The following PACRG variants were observed in gnomAD, a reference collection of about 807,000 sequenced individuals.
The protein encoded by PACRG is parkin coregulated.
Under a neutral mutation model 29.7 loss-of-function variants are expected in PACRG, and 29 were observed. The ratio of observed to expected loss-of-function variants is 0.98; its 90% confidence interval spans 0.73 to 1.33. The LOEUF (loss-of-function observed/expected upper bound fraction) is 1.33, where lower values mean the gene tolerates loss of function less well. PACRG is among the 40% of genes most tolerant of loss of function. The pLI, the probability that PACRG is intolerant of heterozygous loss-of-function variation, is 0.00. For missense variants in PACRG, 279 were observed against 316.2 expected, an observed-to-expected ratio of 0.88 and a Z score of 0.89; for synonymous variants, 116 against 118.7, an observed-to-expected ratio of 0.98 and a Z score of 0.15.
intron 2 of PACRG, among the ~76,000 whole-genome samples, chr6:162,965,703 G>C (rs775818396): frequency 6.6e-6 from 1 of 152,172 alleles, no homozygotes; most frequent in Non-Finnish European, 1.5e-5. Context: ...AGAAGAGTAA[G>C]GAATGGATTA....
chr6:163,194,671 G>A (rs1348727133), intron 4 of PACRG, among the ~76,000 whole-genome samples: 2 of 152,156 alleles, frequency 1.3e-5, no homozygotes, highest in Non-Finnish European at 2.9e-5. Flanking sequence ...TTTTGTAAGC[G>A]GTGGTTGCTT....
chr6:162,727,725 C>T, upstream of PACRG: 6 of 1,535,534 alleles, frequency 3.9e-6, no homozygotes, highest in Non-Finnish European at 5.3e-6. Flanking sequence ...CGCAGCGGCG[C>T]CAGCCGCGCC....
intron 2 of PACRG, among the ~76,000 whole-genome samples, chr6:163,000,889 C>T (rs1562819562): frequency 6.6e-6 from 1 of 152,180 alleles, no homozygotes; most frequent in Non-Finnish European, 1.5e-5. Flanking sequence ...TGAGCCAAGG[C>T]AGGCCTGAAT....
chr6:162,977,024 A>G (rs1201526919), intron 2 of PACRG, among the ~76,000 whole-genome samples: 1 of 152,076 alleles, frequency 6.6e-6, no homozygotes, highest in East Asian at 1.9e-4. Flanking sequence ...ATAGCGAGAA[A>G]CTTGCAGGAC....
chr6:163,200,858 C>G (rs1356543917), intron 4 of PACRG, among the ~76,000 whole-genome samples: 1 of 152,224 alleles, frequency 6.6e-6, no homozygotes, highest in African/African-American at 2.4e-5. Context: ...CACCCTACTT[C>G]TGCACGTCAG....
intron 4 of PACRG, among the ~76,000 whole-genome samples, chr6:163,303,850 G>GA (rs1297663667): frequency 2.0e-5 from 3 of 150,516 alleles, no homozygotes; most frequent in East Asian, 2.0e-4. Flanking sequence ...CTCTATTAAA[G>GA]AAAAAAAATA....
intron 1 of PACRG, among the ~76,000 whole-genome samples, chr6:162,757,033 T>C (rs1020764815): frequency 2.6e-5 from 4 of 152,150 alleles, no homozygotes; most frequent in Non-Finnish European, 4.4e-5. Context: ...TCTGCAACAA[T>C]ACTATTTTGC....
At chr6:163,085,679 A>G (rs990420256) in intron 3 of PACRG, among the ~76,000 whole-genome samples, 2 of 152,004 alleles carry the variant, frequency 1.3e-5, no homozygotes, top group Non-Finnish European at 2.9e-5. Context: ...TCTCCTGGAA[A>G]CTCTTCATGT....
chr6:163,218,331 A>G (rs1781444809), intron 4 of PACRG, among the ~76,000 whole-genome samples: 2 of 152,182 alleles, frequency 1.3e-5, no homozygotes, highest in South Asian at 4.1e-4. Flanking sequence ...TATCTACCCA[A>G]GAAGTTAATT....
At chr6:162,825,838 C>T (rs1001787154) in intron 2 of PACRG, among the ~76,000 whole-genome samples, 5 of 152,198 alleles carry the variant, frequency 3.3e-5, no homozygotes, top group African/African-American at 9.7e-5. Flanking sequence ...CGTTTCCTCA[C>T]TGGGCTCCTG....
chr6:162,836,076 AT>A (rs1338954665), intron 2 of PACRG, among the ~76,000 whole-genome samples: 1 of 151,902 alleles, frequency 6.6e-6, no homozygotes, highest in Non-Finnish European at 1.5e-5. Flanking sequence ...ATATTTTTGC[AT>A]GGCTTTAAGG....
intron 2 of PACRG, among the ~76,000 whole-genome samples, chr6:162,908,618 A>G (rs1322538892): frequency 6.6e-6 from 1 of 152,156 alleles, no homozygotes; most frequent in East Asian, 1.9e-4. Context: ...CAGGTTCTGT[A>G]ACCACAGTAG....
intron 1 of PACRG, among the ~76,000 whole-genome samples, chr6:162,811,435 A>C (rs1445967510): frequency 1.3e-5 from 2 of 152,164 alleles, no homozygotes; most frequent in Non-Finnish European, 1.5e-5. Context: ...CAAGTCATCC[A>C]ATAGGAAGCA....
In PACRG at chr6:163,262,875, C is replaced by G. The variant is rs937042109; in HGVS notation, c.614-51952C>G. 5.8e-3 allele frequency among the ~76,000 whole-genome samples: 872 copies of G among 149,090 alleles called. 10 individuals are homozygous for G. Among genetic ancestry groups the G allele is most frequent in the African/African-American group, 0.019 (775 of 40,434 alleles). On this transcript the variant is annotated intron_variant, in intron 4 of 4. Transcript: ENST00000366888. ...TGGGCAACATAGTGAGACCCCCCCCCCCATGTCAACTAAAAATTTAAAAAA... is the reference window on the plus strand; with the variant it reads ...TGGGCAACATAGTGAGACCCCCCCCGCCATGTCAACTAAAAATTTAAAAAA...
At chr6:162,928,766 T>C (rs1562743651) in intron 2 of PACRG, among the ~76,000 whole-genome samples, 14 of 151,832 alleles carry the variant, frequency 9.2e-5, no homozygotes. Context: ...TTTCTCCCCC[T>C]ACTCCCCACT....
At chr6:162,745,210 A>G (rs917195002) in intron 1 of PACRG, among the ~76,000 whole-genome samples, 1 of 152,346 alleles carries the variant, frequency 6.6e-6, no homozygotes, top group South Asian at 2.1e-4. Flanking sequence ...AGCCATAAAA[A>G]GGAATGAGAT....
intron 4 of PACRG, among the ~76,000 whole-genome samples, chr6:163,203,545 G>C (rs956393144): frequency 9.9e-5 from 15 of 152,210 alleles, no homozygotes; most frequent in African/African-American, 3.6e-4. Flanking sequence ...CGGGTTTTGG[G>C]TTGGTGATGA....
intron 4 of PACRG, among the ~76,000 whole-genome samples, chr6:163,093,232 C>T (rs1221373681): frequency 6.6e-6 from 1 of 152,212 alleles, no homozygotes; most frequent in South Asian, 2.1e-4. Context: ...TTTGAAAAAA[C>T]CAAACTGCTG....
chr6:163,194,999 A>G (rs1475561046), intron 4 of PACRG, among the ~76,000 whole-genome samples: 3 of 152,150 alleles, frequency 2.0e-5, no homozygotes, highest in Non-Finnish European at 4.4e-5. Context: ...GGCTTGCTGA[A>G]CAGTGAGCCT....
Sources: allele counts gnomAD v4.1 joint callset (sites outside exome capture counted in the v4.1 genomes callset), GRCh38; gene constraint gnomAD v4.1.1; transcripts MANE v1.5; gene names NCBI Gene and HGNC (gene_info 2026-07-23, HGNC 2026-07-21).